Variants in SYCP1 observed in about 807,000 individuals in gnomAD.
SYCP1 encodes synaptonemal complex protein 1.
In SYCP1, 64 loss-of-function variants were observed where a neutral mutation model predicts 153.1. The observed-to-expected ratio is 0.42, with a 90% CI of 0.34 to 0.51. The LOEUF (loss-of-function observed/expected upper bound fraction) is 0.51. Ranked by LOEUF, SYCP1 falls within the 20% of genes least tolerant of loss-of-function variation. SYCP1 has a pLI of 0.06. For missense variants in SYCP1, 997 were observed against 1,049.0 expected, an observed-to-expected ratio of 0.95 and a Z score of 0.68; for synonymous variants, 384 against 341.8, an observed-to-expected ratio of 1.12 and a Z score of -1.36.
chr1:114,965,171 G>T (rs1020601440), intron 27 of SYCP1, among the ~76,000 whole-genome samples: 9 of 152,094 alleles, frequency 5.9e-5, no homozygotes, highest in Admixed American at 3.9e-4. Context: ...GTCTGTTATT[G>T]GTGTATAAGA....
At position 114,953,212 on chromosome 1, in the gene SYCP1, C is replaced by T. The variant is rs377186020; in HGVS notation, c.2322+5892C>T. On this transcript the variant is annotated intron_variant, in intron 27 of 31. Coordinates refer to ENST00000369522, the MANE Select transcript of SYCP1 (RefSeq NM_003176.4). The stretch of plus-strand genomic sequence containing the variant: ...CAACATGAGTTTTGGAGGGTACAAA[C>T]ATTCAAACCATAGCATCAGATATGT... Among the ~76,000 whole-genome samples, 19 of 152,350 alleles carry T rather than the reference C, an allele frequency of 1.2e-4. No homozygotes were observed. The South Asian group carries it at 3.9e-3, about 32-fold the overall frequency.
chr1:114,916,391 G>T (rs1009529766), intron 20 of SYCP1, among the ~76,000 whole-genome samples: 3 of 151,852 alleles, frequency 2.0e-5, no homozygotes, highest in Non-Finnish European at 4.4e-5. Context: ...ATGGCTTGAT[G>T]GTTAGTTTCC....
chr1:114,856,464 A>G (rs1417428008), intron 2 of SYCP1, 109 bp from the exon 3 acceptor site: 2 of 659,046 alleles, frequency 3.0e-6, no homozygotes, highest in Non-Finnish European at 4.8e-6. Flanking sequence ...AGGATTTGCA[A>G]TTATAGTAAC....
intron 16 of SYCP1, among the ~76,000 whole-genome samples, chr1:114,903,907 T>A (rs1161629104): frequency 6.6e-6 from 1 of 152,176 alleles, no homozygotes; most frequent in Non-Finnish European, 1.5e-5. Flanking sequence ...CATGTTTGTA[T>A]GGGTCTATTT....
chr1:114,993,035 G>A (rs935423656), intron 30 of SYCP1, among the ~76,000 whole-genome samples: 2 of 151,058 alleles, frequency 1.3e-5, no homozygotes, highest in Non-Finnish European at 3.0e-5. Flanking sequence ...AAAGATGAAT[G>A]CTATGAAGAG....
In SYCP1 at chr1:114,985,806, C is replaced by CT. The variant is rs1673460481; in HGVS notation, c.2703+941dup. On this transcript the variant is annotated intron_variant, in intron 30 of 31. Coordinates refer to ENST00000369522, the MANE Select transcript of SYCP1 (RefSeq NM_003176.4). The stretch of plus-strand genomic sequence containing the variant: ...TAAACACTTTATACAACGAAGATTA[C>CT]TTTAATTATTTCTTATAACAATTCC... Among the ~76,000 whole-genome samples, 5 of 151,310 alleles carry CT rather than the reference C, an allele frequency of 3.3e-5. No individual in the cohort carries two copies. The South Asian group carries it at 1.0e-3, about 31-fold the overall frequency.
At chr1:114,981,168 A>G (rs1369409536) in intron 28 of SYCP1, among the ~76,000 whole-genome samples, 168 bp from the exon 29 acceptor site, 3 of 152,024 alleles carry the variant, frequency 2.0e-5, no homozygotes, top group Non-Finnish European at 4.4e-5. Context: ...GTAAAGTGAC[A>G]AAGAAGATAA....
At chr1:114,983,343 C>T (rs1024501006) in intron 29 of SYCP1, among the ~76,000 whole-genome samples, 13 of 151,952 alleles carry the variant, frequency 8.6e-5, no homozygotes, top group African/African-American at 3.1e-4. Context: ...CCCAACTATT[C>T]ATCACTGCTT....
intron 23 of SYCP1, among the ~76,000 whole-genome samples, chr1:114,941,815 C>G (rs1038094128): frequency 2.0e-5 from 3 of 152,100 alleles, no homozygotes; most frequent in African/African-American, 7.2e-5. Context: ...AAGTACTTAA[C>G]ACATACTTTT....
At chr1:114,885,783 A>G (rs1178193109) in intron 13 of SYCP1, among the ~76,000 whole-genome samples, 154 bp downstream of exon 13, 1 of 152,200 alleles carries the variant, frequency 6.6e-6, no homozygotes, top group East Asian at 1.9e-4. Flanking sequence ...TAGTTTAGAG[A>G]CATTGCATAA....
chr1:114,858,739 T>C (rs1334693235), intron 6 of SYCP1, 28 bp downstream of exon 6: 1 of 1,571,406 alleles, frequency 6.4e-7, no homozygotes, highest in Non-Finnish European at 8.7e-7. Context: ...ATTGTAAACA[T>C]AGTATAGTAA....
chr1:114,891,494 T>G (rs1666699287), intron 15 of SYCP1, among the ~76,000 whole-genome samples: 1 of 152,240 alleles, frequency 6.6e-6, no homozygotes, highest in South Asian at 2.1e-4. Context: ...ATTGTTCATT[T>G]AAAGAGTGGG....
intron 20 of SYCP1, among the ~76,000 whole-genome samples, chr1:114,916,661 T>A (rs1668528120): frequency 6.6e-6 from 1 of 151,178 alleles, no homozygotes; most frequent in African/African-American, 2.4e-5. Context: ...TTTTTTTTTT[T>A]ATTGATTTGC....
chr1:114,952,018 GT>G (rs1671140236), intron 27 of SYCP1, among the ~76,000 whole-genome samples: 1 of 152,144 alleles, frequency 6.6e-6, no homozygotes, highest in East Asian at 1.9e-4. Context: ...TTATTGCCAA[GT>G]AGTATTCTGT....
At chr1:114,924,338 G>A (rs1162661079) in intron 21 of SYCP1, among the ~76,000 whole-genome samples, 3 of 152,148 alleles carry the variant, frequency 2.0e-5, no homozygotes, top group African/African-American at 7.2e-5. Context: ...ACCTGGCTAA[G>A]CCTGAGCTGC....
intron 23 of SYCP1, among the ~76,000 whole-genome samples, chr1:114,936,967 G>A (rs1024736838): frequency 6.6e-6 from 1 of 152,116 alleles, no homozygotes; most frequent in Admixed American, 6.6e-5. Flanking sequence ...TGGCCATACT[G>A]CCCAAGGTAA....
intron 12 of SYCP1, among the ~76,000 whole-genome samples, chr1:114,884,701 G>T (rs1468802120): frequency 6.6e-6 from 1 of 152,116 alleles, no homozygotes; most frequent in Non-Finnish European, 1.5e-5. Context: ...GCATTATCTT[G>T]TTTAATTCTA....
intron 21 of SYCP1, among the ~76,000 whole-genome samples, chr1:114,925,617 C>A (rs1472575321): frequency 6.6e-6 from 1 of 151,994 alleles, no homozygotes; most frequent in African/African-American, 2.4e-5. Context: ...CTATCTGAGC[C>A]TTAGTTTCCT....
rs1668274279 is a variant in SYCP1 at position 114,912,913 on chromosome 1, T to G, written c.1530-120T>G. On this transcript the variant is annotated intron_variant, in intron 18 of 31. Transcript: ENST00000369522. ...GGAATTATAAACCAATAGTCAATTT[T>G]GTTTCATGTTTTTCCCCCAGCCCTT... 24 of 641,976 alleles carry G rather than the reference T, an allele frequency of 3.7e-5. No individual in the cohort carries two copies. The South Asian group carries it at 5.1e-4, about 14-fold the overall frequency. 39.8% of individuals were successfully genotyped at this position (641,976 alleles called of 1,614,324 possible).
Sources: gnomAD v4.1 joint callset for allele counts (sites outside exome capture counted in the v4.1 genomes callset) on GRCh38, gnomAD v4.1.1 for gene constraint, MANE v1.5 for transcripts, NCBI Gene and HGNC (gene_info 2026-07-23, HGNC 2026-07-21) for gene names.